The following IL1RAPL2 variants were observed in gnomAD, a reference collection of about 807,000 sequenced individuals.
IL1RAPL2 encodes the protein X-linked interleukin-1 receptor accessory protein-like 2.
Under a neutral mutation model 44.1 loss-of-function variants are expected in IL1RAPL2, and 3 were observed. The observed-to-expected ratio is 0.07, with a 90% CI of 0.03 to 0.18. The LOEUF is 0.18. IL1RAPL2 is among the 10% of genes least tolerant of loss of function. The probability of loss-of-function intolerance (pLI) is 1.00; values close to 1 mark genes in which losing one functional copy is unlikely to be tolerated. For missense variants in IL1RAPL2, 391 were observed against 496.4 expected, an observed-to-expected ratio of 0.79 and a Z score of 2.02; for synonymous variants, 181 against 178.8, an observed-to-expected ratio of 1.01 and a Z score of -0.10.
intron 6 of IL1RAPL2, among the ~76,000 whole-genome samples, chrX:105,563,696 G>T (rs193089386): frequency 9.0e-5 from 10 of 111,607 alleles, no homozygotes; most frequent in Non-Finnish European, 1.7e-4. Context: ...ATTTGAGTTA[G>T]TCTGTCACCA....
At position 105,609,853 on chromosome X, in the gene IL1RAPL2, AGTTCCAATTAGATTGGG is replaced by A. The variant is rs1260200703; in HGVS notation, c.773-107512_773-107496del. On this transcript the variant is annotated intron_variant, in intron 6 of 10. Coordinates refer to ENST00000372582, the MANE Select transcript of IL1RAPL2 (RefSeq NM_017416.2). ...TTCAAAGCTGGTATGATTCAAAGTGAGTTCCAATTAGATTGGGGATCTGATTAAGCTAATTAGAATAG... is the reference window on the plus strand; with the variant it reads ...TTCAAAGCTGGTATGATTCAAAGTGAGATCTGATTAAGCTAATTAGAATAG... Among the ~76,000 whole-genome samples, 3 of 111,835 alleles carry A rather than the reference AGTTCCAATTAGATTGGG, an allele frequency of 2.7e-5. No individual in the cohort carries two copies. In the East Asian group the frequency reaches 8.5e-4, roughly 32 times the overall value.
intron 2 of IL1RAPL2, among the ~76,000 whole-genome samples, chrX:104,851,404 T>C (rs771096459): frequency 6.3e-5 from 7 of 111,868 alleles, no homozygotes; most frequent in Non-Finnish European, 1.3e-4. Context: ...TCCTTGTCTT[T>C]ATATCAGAAA....
chrX:105,701,289 G>C lies in IL1RAPL2; in HGVS notation c.773-16078G>C, dbSNP rs759244774. On this transcript the variant is annotated intron_variant, in intron 6 of 10. Transcript: ENST00000372582. ...CTTTACATCATAAAACACATAGATA[G>C]TGATCTATAATGCACAAATACGTGC... Among the ~76,000 whole-genome samples the C allele has an allele frequency of 2.7e-5, 3 of 111,028 alleles. No homozygotes were observed. The East Asian group carries it at 8.6e-4, about 32-fold the overall frequency.
intron 2 of IL1RAPL2, among the ~76,000 whole-genome samples, chrX:104,724,235 G>A (rs1254845203): frequency 9.0e-6 from 1 of 111,307 alleles, no homozygotes; most frequent in Non-Finnish European, 1.9e-5. Context: ...GTCTGAGGCA[G>A]TCACTCACAA....
chrX:104,631,457 A>G (rs1929647957), intron 1 of IL1RAPL2, among the ~76,000 whole-genome samples: 1 of 111,489 alleles, frequency 9.0e-6, no homozygotes, highest in South Asian at 3.8e-4. Context: ...TCCCACCAAC[A>G]GTGTAAAAGT....
intron 5 of IL1RAPL2, among the ~76,000 whole-genome samples, chrX:105,350,595 C>T (rs753265918): frequency 2.8e-4 from 31 of 110,553 alleles, no homozygotes; most frequent in Non-Finnish European, 2.5e-4. Context: ...TGGTGGTGCA[C>T]GCCTATAATC....
At position 105,002,826 on chromosome X, in the gene IL1RAPL2, C is replaced by T. The variant is rs752022376; in HGVS notation, c.83-192649C>T. Among the ~76,000 whole-genome samples, 13 of 110,941 alleles carry T rather than the reference C, an allele frequency of 1.2e-4. No homozygotes were observed. The South Asian group carries it at 3.7e-3, about 32-fold the overall frequency. On this transcript the variant is annotated intron_variant, in intron 2 of 10. Transcript: ENST00000372582. ...TGGCTTAAAGAAAATTGATCTGTGACGCTGTAGAAGATTCACAGTTTCAGT... is the reference window on the plus strand; with the variant it reads ...TGGCTTAAAGAAAATTGATCTGTGATGCTGTAGAAGATTCACAGTTTCAGT...
chrX:105,208,505 C>A (rs1168417579), intron 3 of IL1RAPL2, among the ~76,000 whole-genome samples: 1 of 111,533 alleles, frequency 9.0e-6, no homozygotes, highest in Admixed American at 9.5e-5. Context: ...AAGAGTGATC[C>A]ACCTTGGTAG....
intron 6 of IL1RAPL2, among the ~76,000 whole-genome samples, chrX:105,636,986 G>T (rs752270777): frequency 5.4e-5 from 6 of 110,999 alleles, no homozygotes; most frequent in South Asian, 7.7e-4. Flanking sequence ...AGTCTTAGGT[G>T]GGGGGGAGTA....
At chrX:105,115,700 C>T (rs1318873322) in intron 2 of IL1RAPL2, among the ~76,000 whole-genome samples, 1 of 113,065 alleles carries the variant, frequency 8.8e-6, no homozygotes, top group Non-Finnish European at 1.9e-5. Context: ...CAGTGGGTCC[C>T]GCACTGGGCC....
At chrX:104,731,819 A>G (rs910207208) in intron 2 of IL1RAPL2, among the ~76,000 whole-genome samples, 1 of 111,938 alleles carries the variant, frequency 8.9e-6, no homozygotes, top group Non-Finnish European at 1.9e-5. Context: ...TGGGCCCAAT[A>G]ATTACAGAAA....
chrX:104,736,921 C>T (rs184882044), intron 2 of IL1RAPL2, among the ~76,000 whole-genome samples: 1 of 112,130 alleles, frequency 8.9e-6, no homozygotes. Context: ...AAGGTTAGAA[C>T]CAGAATTAAA....
At chrX:105,033,896 C>T (rs780453967) in intron 2 of IL1RAPL2, among the ~76,000 whole-genome samples, 93 of 111,766 alleles carry the variant, frequency 8.3e-4, no homozygotes, top group African/African-American at 2.9e-3. Flanking sequence ...CACATAGTCC[C>T]ATATTTCTTG....
At chrX:105,567,383 G>T (rs980015659) in intron 6 of IL1RAPL2, among the ~76,000 whole-genome samples, 27 of 111,504 alleles carry the variant, frequency 2.4e-4, no homozygotes, top group Non-Finnish European at 4.1e-4. Flanking sequence ...CATACAAGCA[G>T]GGAGGTATTT....
intron 6 of IL1RAPL2, among the ~76,000 whole-genome samples, chrX:105,705,264 ATATGTGTGTG>A (rs751014595): frequency 9.0e-6 from 1 of 111,080 alleles, no homozygotes; most frequent in South Asian, 3.7e-4. Flanking sequence ...TAGTAGATAT[ATATGTGTGTG>A]TATGTGTGTG....
At chrX:105,021,473 T>C (rs776863156) in intron 2 of IL1RAPL2, among the ~76,000 whole-genome samples, 58 of 111,220 alleles carry the variant, frequency 5.2e-4, no homozygotes, top group Non-Finnish European at 7.7e-4. Context: ...TCAAGAATTA[T>C]AGACCGCTCT....
chrX:105,234,730 C>T (rs1556199602), intron 4 of IL1RAPL2, among the ~76,000 whole-genome samples: 1 of 107,287 alleles, frequency 9.3e-6, no homozygotes, highest in Non-Finnish European at 1.9e-5. Flanking sequence ...ACCACTTGAA[C>T]ATGGGAGGCA....
At chrX:105,013,724 C>G (rs149799007) in intron 2 of IL1RAPL2, among the ~76,000 whole-genome samples, 1 of 111,191 alleles carries the variant, frequency 9.0e-6, no homozygotes, top group Admixed American at 9.6e-5. Context: ...CTTCTGCCTA[C>G]TGAAAATCCT....
At chrX:105,105,412 A>G (rs1173654085) in intron 2 of IL1RAPL2, among the ~76,000 whole-genome samples, 2 of 111,846 alleles carry the variant, frequency 1.8e-5, no homozygotes, top group Non-Finnish European at 3.8e-5. Flanking sequence ...ACAGTCCACA[A>G]CTAATTTGAA....
Sources: allele counts gnomAD v4.1 joint callset (sites outside exome capture counted in the v4.1 genomes callset), GRCh38; gene constraint gnomAD v4.1.1; transcripts MANE v1.5; gene names NCBI Gene and HGNC (gene_info 2026-07-23, HGNC 2026-07-21).